TEX14: variants seen among roughly 807,000 people sequenced by gnomAD.
The protein encoded by TEX14 is testis expressed 14, intercellular bridge forming factor, also known as inactive serine/threonine-protein kinase TEX14.
A neutral mutation model predicts 178.6 loss-of-function variants in TEX14; 168 were observed. The ratio of observed to expected loss-of-function variants is 0.94; its 90% CI spans 0.83 to 1.07. The LOEUF (loss-of-function observed/expected upper bound fraction) is 1.07, where lower values mean the gene tolerates loss of function less well. TEX14 is among the 50% of genes least tolerant of loss of function. The pLI, the probability that TEX14 is intolerant of heterozygous loss-of-function variation, is 0.00. For missense variants in TEX14, 1,730 were observed against 1,753.6 expected (o/e 0.99, Z 0.24); for synonymous variants, 626 against 634.1 (o/e 0.99, Z 0.19).
chr17:58,661,456 G>A (rs1420268734), intron 1 of TEX14: 2 of 786,804 alleles, frequency 2.5e-6, no homozygotes, highest in Non-Finnish European at 4.7e-6. Flanking sequence ...CAAGGAGGTC[G>A]AGGCCCTTGA....
At position 58,616,239 on chromosome 17, in the gene TEX14, C is replaced by A. The variant is rs572978944; in HGVS notation, c.703G>T (p.Val235Leu). The change falls in exon 7 of 32, where the codon GTG becomes TTG. Residue 235 changes from valine to leucine, a missense_variant. This residue lies in a region of TEX14 where 789 missense variants were observed against 681.2 expected (regional missense o/e 1.16). Transcript: ENST00000349033. ...GTGGGCTCATCATCAGCTTGAATCA[C>A]TTCCTTTTCTCCAATGACCGGAAGA... ...GSLPVIGEKE[V>L]IQADDEPTFS... 5.0e-6 allele frequency: 8 copies of A among 1,613,954 alleles called. No homozygotes were observed. The highest frequency in any genetic ancestry group is 6.8e-6 in the Non-Finnish European group (8 of 1,179,988).
chr17:58,691,706 A>C (rs1169394348), intron 1 of TEX14, among the ~76,000 whole-genome samples: 1 of 151,296 alleles, frequency 6.6e-6, no homozygotes, highest in African/African-American at 2.4e-5. Flanking sequence ...GTAGGGAATA[A>C]GTTACCCCCT....
At chr17:58,664,384 A>G (rs1174662846) in intron 1 of TEX14, among the ~76,000 whole-genome samples, 1 of 152,064 alleles carries the variant, frequency 6.6e-6, no homozygotes, top group Admixed American at 6.6e-5. Flanking sequence ...TGATGACCAC[A>G]TTGTCTACTC....
At chr17:58,686,546 C>T (rs188149458) in intron 1 of TEX14, among the ~76,000 whole-genome samples, 1 of 151,974 alleles carries the variant, frequency 6.6e-6, no homozygotes, top group Non-Finnish European at 1.5e-5. Context: ...CACTGCCATG[C>T]CCAGGTTATG....
chr17:58,662,565 G>A (rs923429828), intron 1 of TEX14, among the ~76,000 whole-genome samples: 75 of 152,112 alleles, frequency 4.9e-4, no homozygotes, highest in African/African-American at 1.7e-3. Flanking sequence ...GTTCCCTTAC[G>A]TGTGGGGAAG....
At chr17:58,577,954 T>C (rs1339620729) in intron 20 of TEX14, among the ~76,000 whole-genome samples, 2 of 152,230 alleles carry the variant, frequency 1.3e-5, no homozygotes, top group African/African-American at 2.4e-5. Context: ...TCTGTTCTTC[T>C]TGGCATCAAG....
intron 19 of TEX14, 78 bp downstream of exon 19, chr17:58,584,422 C>A: frequency 9.5e-7 from 1 of 1,049,964 alleles, no homozygotes; most frequent in South Asian, 1.3e-5. Context: ...ATTTTGGTGT[C>A]ATAACACATA....
chr17:58,570,664 T>C (rs539249764), intron 24 of TEX14, among the ~76,000 whole-genome samples, 180 bp from the exon 25 acceptor site: 2 of 125,966 alleles, frequency 1.6e-5, no homozygotes, highest in East Asian at 5.7e-4. Context: ...CTTACTCTGT[T>C]GCCCAGGCTG....
In TEX14 at chr17:58,611,221, G is replaced by A. The variant is rs1490688478; in HGVS notation, c.1124C>T (p.Ala375Val). The change falls in exon 10 of 32, where the codon GCT becomes GTT. Residue 375 changes from alanine to valine, a missense_variant. Transcript: ENST00000349033. ...GFIHRSLSSY[A>V]VHIISPGEAR... The stretch of plus-strand genomic sequence containing the variant: ...TTCACCTGGGGAGATGATATGGACA[G>A]CATAGGAGCTGAGGGAGCGGTGGAT... 2 of 1,613,818 alleles carry A rather than the reference G, an allele frequency of 1.2e-6. No homozygotes were observed. The highest frequency in any genetic ancestry group is 3.3e-5 in the Admixed American group (2 of 59,982).
At chr17:58,683,528 T>TGA (rs879551227) in intron 1 of TEX14, among the ~76,000 whole-genome samples, 3 of 152,034 alleles carry the variant, frequency 2.0e-5, no homozygotes, top group Non-Finnish European at 2.9e-5. Context: ...TTTGGGAGGC[T>TGA]GAGGCAGGCG....
intron 19 of TEX14, among the ~76,000 whole-genome samples, chr17:58,583,194 C>T (rs558367227): frequency 3.8e-4 from 58 of 151,770 alleles, no homozygotes; most frequent in African/African-American, 1.4e-3. Flanking sequence ...GTGCAGTGGC[C>T]TGATCATGGC....
At chr17:58,631,824 A>G (rs974127312) in intron 2 of TEX14, 2 of 148,896 alleles carry the variant, frequency 1.3e-5, no homozygotes, top group Non-Finnish European at 2.9e-5. Flanking sequence ...ATTATCCCTC[A>G]AAATATAGTC....
intron 15 of TEX14, among the ~76,000 whole-genome samples, chr17:58,593,279 T>A (rs146934368): frequency 1.3e-5 from 2 of 152,196 alleles, no homozygotes; most frequent in African/African-American, 4.8e-5. Context: ...AGAAAAACTA[T>A]CTGGGCAGTT....
In TEX14 at chr17:58,579,674, G is replaced by A. The variant is rs1376466994; in HGVS notation, c.3229C>T (p.Gln1077Ter). Reference sequence around the variant, plus strand: ...CCTAAGGGCTTATTACCAGAGACTTGAGGTTGGGCAAATGCACCTTGTATT... The same window carrying A: ...CCTAAGGGCTTATTACCAGAGACTTAAGGTTGGGCAAATGCACCTTGTATT... The part of the protein sequence containing the change: ...EGIQGAFAQP[Q>*]VSGEEKFQMR... The change falls in exon 20 of 32, where the codon CAA becomes TAA. Residue 1077 changes from glutamine (Q) to a stop codon, truncating the protein, a stop_gained. Transcript: ENST00000349033. LOFTEE classifies it high-confidence loss of function. 6.2e-7 allele frequency: 1 copy of A among 1,613,726 alleles called. No individual in the cohort carries two copies. The highest frequency in any genetic ancestry group is 8.5e-7 in the Non-Finnish European group (1 of 1,179,670).
At chr17:58,663,887 C>T (rs1041330576) in intron 1 of TEX14, among the ~76,000 whole-genome samples, 1 of 152,178 alleles carries the variant, frequency 6.6e-6, no homozygotes, top group Non-Finnish European at 1.5e-5. Flanking sequence ...ACCATACTAA[C>T]TCTATTTAGG....
At chr17:58,671,512 T>G (rs1242181361) in intron 1 of TEX14, among the ~76,000 whole-genome samples, 1 of 152,098 alleles carries the variant, frequency 6.6e-6, no homozygotes, top group Non-Finnish European at 1.5e-5. Context: ...GGGTCGCAGC[T>G]TTATAGAATG....
chr17:58,561,726 A>T, intron 28 of TEX14, 114 bp from the exon 29 acceptor site: 1 of 690,386 alleles, frequency 1.4e-6, no homozygotes, highest in Admixed American at 2.5e-5. Flanking sequence ...CTTTCACTAT[A>T]TGTATGAAAA....
chr17:58,590,869 T>G (rs1444115510), intron 15 of TEX14, among the ~76,000 whole-genome samples: 1 of 151,904 alleles, frequency 6.6e-6, no homozygotes, highest in Non-Finnish European at 1.5e-5. Flanking sequence ...AATTTCAAAA[T>G]AAGTTTACAG....
intron 23 of TEX14, among the ~76,000 whole-genome samples, chr17:58,572,358 C>T (rs771803583): frequency 8.5e-5 from 13 of 152,212 alleles, no homozygotes; most frequent in Non-Finnish European, 1.2e-4. Context: ...AGGCCGGGTA[C>T]GGTGGCTCAC....
Sources: allele counts gnomAD v4.1 joint callset (sites outside exome capture counted in the v4.1 genomes callset), GRCh38; gene constraint gnomAD v4.1.1; regional missense constraint gnomAD v4.1.1; transcripts MANE v1.5; gene names NCBI Gene and HGNC (gene_info 2026-07-23, HGNC 2026-07-21).